Variants in NPEPL1 observed in about 807,000 individuals in gnomAD.
NPEPL1 encodes the protein aminopeptidase like 1.
In NPEPL1, 45 loss-of-function variants were observed where a neutral mutation model predicts 52.4. That is an observed-to-expected ratio of 0.86 (90% CI 0.68 to 1.10). NPEPL1 has a LOEUF of 1.10. Ranked by LOEUF, NPEPL1 falls within the 50% of genes least tolerant of loss-of-function variation. NPEPL1 has a pLI of 0.00. For missense variants in NPEPL1, 696 were observed against 710.9 expected (o/e 0.98, Z 0.24); for synonymous variants, 360 against 314.7 (o/e 1.14, Z -1.52).
At chr20:58,694,954 G>A (rs1298656555) in intron 3 of NPEPL1, among the ~76,000 whole-genome samples, 1 of 152,220 alleles carries the variant, frequency 6.6e-6, no homozygotes, top group Non-Finnish European at 1.5e-5. Context: ...GTGTTGCTGT[G>A]CGTGTATGAG....
Position 58,692,965 on chromosome 20 carries a change from T to C in NPEPL1, c.65T>C (p.Leu22Pro). 1 of 1,190,850 alleles carries C rather than the reference T, an allele frequency of 8.4e-7. No homozygotes were observed. Among genetic ancestry groups the C allele is most frequent in the South Asian group, 2.0e-5 (1 of 50,738 alleles). 73.8% of individuals were successfully genotyped at this position (1,190,850 alleles called of 1,614,324 possible). ...AGDSDPQSRP[L>P]LLLGQLHHLH... ...GACTCGGACCCACAGAGCCGGCCCC[T>C]GCTGCTGCTCGGGCAGCTGCACCAC... The change falls in exon 1 of 12, where the codon CTG (leucine) becomes CCG (proline). Residue 22 changes from leucine (L) to proline (P), a missense_variant. Transcript: ENST00000356091. The surrounding 1 kb of genome is among the most constrained non-coding windows in gnomAD (Gnocchi z 5.7).
intron 3 of NPEPL1, among the ~76,000 whole-genome samples, chr20:58,697,848 TTGGGACCCACGTGA>T (rs1180743880): frequency 1.3e-5 from 2 of 152,208 alleles, no homozygotes; most frequent in Non-Finnish European, 2.9e-5. Context: ...GGACACATTT[TTGGGACCCACGTGA>T]TGTGTGCTTT....
At chr20:58,703,246 TTTTG>T (rs1236115613) in intron 6 of NPEPL1, among the ~76,000 whole-genome samples, 1 of 152,244 alleles carries the variant, frequency 6.6e-6, no homozygotes, top group African/African-American at 2.4e-5. Flanking sequence ...AATTTGAAGC[TTTTG>T]TTTGTGTGAT....
chr20:58,691,697 T>TC (rs2084349634), upstream of NPEPL1: 10 of 177,754 alleles, frequency 5.6e-5, no homozygotes, highest in East Asian at 1.1e-4. Context: ...TCTTTTCTTT[T>TC]TTTTTTTTTT....
In NPEPL1 at chr20:58,714,091, G is replaced by A. The variant is rs2084908784; in HGVS notation, c.1300G>A (p.Ala434Thr). The part of the protein sequence containing the change: ...SAVADMKNSV[A>T]DRDNSPSSCA... The stretch of plus-strand genomic sequence containing the variant: ...TGTGGCGGACATGAAGAACTCAGTG[G>A]CGGTAGGTTTGGAGCCTCGAACCTG... The change falls in exon 10 of 12, where the codon GCG becomes ACG. Residue 434 changes from alanine (A) to threonine (T), a missense_variant and splice_region_variant. By Grantham distance (58) the Ala-to-Thr change is moderately conservative. Transcript: ENST00000356091. 7 of 1,545,910 alleles carry A rather than the reference G, an allele frequency of 4.5e-6. No individual in the cohort carries two copies. The highest frequency in any genetic ancestry group is 5.2e-6 in the Non-Finnish European group (6 of 1,146,984).
At chr20:58,691,831 G>A (rs751384623), upstream of NPEPL1, 4 of 1,542,760 alleles carry the variant, frequency 2.6e-6, no homozygotes, top group South Asian at 4.8e-5. Flanking sequence ...AGGATGTTGG[G>A]TAACAGATTT....
intron 6 of NPEPL1, chr20:58,704,304 C>T: frequency 1.0e-6 from 1 of 985,380 alleles, no homozygotes; most frequent in Non-Finnish European, 1.2e-6. Context: ...AAAATCACAG[C>T]TCCATTTTCA....
At chr20:58,707,050 G>A in intron 6 of NPEPL1, 73 bp from the exon 7 acceptor site, 2 of 1,449,244 alleles carry the variant, frequency 1.4e-6, no homozygotes. Context: ...GCCGGGTGGG[G>A]GTGGGGGGCT....
Position 58,714,657 on chromosome 20 carries a change from C to T in NPEPL1, c.1400C>T (p.Ala467Val). Residue 467 changes from alanine to valine, a missense_variant, in exon 11 of 12, where the codon GCA (alanine) becomes GTA (valine). By Grantham distance (64) the Ala-to-Val change is moderately conservative. Coordinates refer to ENST00000356091, the MANE Select transcript of NPEPL1 (RefSeq NM_024663.4). ...GTCTGGGTCCACCTGGACATTGCTGCACCGGTGCATGCTGTGAGTGTCTCC... is the reference window on the plus strand; with the variant it reads ...GTCTGGGTCCACCTGGACATTGCTGTACCGGTGCATGCTGTGAGTGTCTCC... ...PGVWVHLDIA[A>V]PVHAGERATG... The T allele has an allele frequency of 1.9e-6, 3 of 1,592,130 alleles. No individual in the cohort carries two copies. Among genetic ancestry groups the T allele is most frequent in the South Asian group, 1.1e-5 (1 of 88,038 alleles).
intron 3 of NPEPL1, among the ~76,000 whole-genome samples, chr20:58,696,496 C>T (rs192899985): frequency 1.5e-4 from 23 of 152,350 alleles, no homozygotes; most frequent in Non-Finnish European, 2.9e-4. Flanking sequence ...ATGAAAAAGG[C>T]CCAGTAAACA....
chr20:58,695,990 C>T (rs1238294781), intron 3 of NPEPL1, among the ~76,000 whole-genome samples: 1 of 152,212 alleles, frequency 6.6e-6, no homozygotes, highest in African/African-American at 2.4e-5. Context: ...GCCTCTCCAG[C>T]GTTCCGACCT....
At chr20:58,714,189 G>A (rs2084911285) in intron 10 of NPEPL1, 96 bp downstream of exon 10, 5 of 1,418,616 alleles carry the variant, frequency 3.5e-6, no homozygotes, top group Non-Finnish European at 4.7e-6. Context: ...AGGGAGCTGG[G>A]GCCCCCCAGA....
At chr20:58,707,347 C>T in intron 7 of NPEPL1, 147 bp downstream of exon 7, 1 of 787,836 alleles carries the variant, frequency 1.3e-6, no homozygotes, top group Non-Finnish European at 2.0e-6. Flanking sequence ...TGCCCCCAGG[C>T]TCTTCTGGGG....
intron 2 of NPEPL1, 85 bp from the exon 3 acceptor site, chr20:58,694,337 G>A: frequency 7.2e-7 from 1 of 1,382,106 alleles, no homozygotes; most frequent in East Asian, 2.4e-5. Flanking sequence ...GGGAGCTGAT[G>A]TTCCGGAGGC....
At chr20:58,702,059 T>C (rs555165583) in intron 6 of NPEPL1, among the ~76,000 whole-genome samples, 1 of 152,270 alleles carries the variant, frequency 6.6e-6, no homozygotes, top group Admixed American at 6.5e-5. Context: ...AGTACATACC[T>C]CAGGAGGTCT....
Position 58,694,479 on chromosome 20 carries a change from C to T in NPEPL1, c.394C>T (p.Pro132Ser). 1 of 1,613,964 alleles carries T rather than the reference C, an allele frequency of 6.2e-7. No homozygotes were observed. Among genetic ancestry groups the T allele is most frequent in the Non-Finnish European group, 8.5e-7 (1 of 1,179,872 alleles). The change falls in exon 3 of 12, where the codon CCG becomes TCG. Residue 132 changes from proline to serine, a missense_variant. Pro to Ser is a moderately conservative substitution (Grantham distance 74, BLOSUM62 -1). Coordinates refer to ENST00000356091, the MANE Select transcript of NPEPL1 (RefSeq NM_024663.4). ...CGCCTGTGCCCTGGCCCGGGCCTTCCCGCTGTTCACCCACCGCTCAGGTGC... is the reference window on the plus strand; with the variant it reads ...CGCCTGTGCCCTGGCCCGGGCCTTCTCGCTGTTCACCCACCGCTCAGGTGC... ...ASACALARAF[P>S]LFTHRSGASR...
At chr20:58,702,911 T>G (rs2084663497) in intron 6 of NPEPL1, among the ~76,000 whole-genome samples, 2 of 152,368 alleles carry the variant, frequency 1.3e-5, no homozygotes, top group Middle Eastern at 3.4e-3. Context: ...GGTGGATTCT[T>G]GTGGCTTTCA....
intron 2 of NPEPL1, 129 bp downstream of exon 2, chr20:58,694,051 C>A: frequency 1.1e-6 from 1 of 925,012 alleles, no homozygotes; most frequent in Non-Finnish European, 1.6e-6. Flanking sequence ...ATCATCCCTG[C>A]TCTGTAGACA....
At chr20:58,696,744 G>A (rs1163666301) in intron 3 of NPEPL1, among the ~76,000 whole-genome samples, 3 of 152,240 alleles carry the variant, frequency 2.0e-5, no homozygotes, top group African/African-American at 7.2e-5. Context: ...CATCTTCTGA[G>A]TGCTGTCAGC....
Sources: gnomAD v4.1 joint callset for allele counts (sites outside exome capture counted in the v4.1 genomes callset) on GRCh38, gnomAD v4.1.1 for gene constraint, Gnocchi (gnomAD v3.1) non-coding constraint, MANE v1.5 for transcripts, NCBI Gene and HGNC (gene_info 2026-07-23, HGNC 2026-07-21) for gene names.